The following HTR3D variants were observed in gnomAD, a reference collection of about 807,000 sequenced individuals.
HTR3D encodes 5-hydroxytryptamine receptor 3D.
In HTR3D, 47 loss-of-function variants were observed where a neutral mutation model predicts 45.8. That is an observed-to-expected ratio of 1.03 (90% CI 0.81 to 1.31). The LOEUF (loss-of-function observed/expected upper bound fraction) is 1.31. Ranked by LOEUF, HTR3D falls within the 50% of genes most tolerant of loss-of-function variation. The pLI, the probability that HTR3D is intolerant of heterozygous loss-of-function variation, is 0.00. For synonymous variants in HTR3D, 203 were observed against 199.8 expected (o/e 1.02, Z -0.13); for missense variants, 448 against 506.9 (o/e 0.88, Z 1.12).
chr3:184,036,006 T>C lies in HTR3D; in HGVS notation c.112-9T>C, dbSNP rs1196040007. ...CCATGCCCGGCCTTGGCACAATCAA[T>C]TTGTGCAGTGGAACCCAGATGAATG... On this transcript the variant is annotated splice_polypyrimidine_tract_variant and intron_variant, in intron 2 of 7. Transcript: ENST00000428798. 2.6e-6 allele frequency: 4 copies of C among 1,551,036 alleles called. No homozygotes were observed. Among genetic ancestry groups the C allele is most frequent in the Non-Finnish European group, 3.5e-6 (4 of 1,146,878 alleles).
chr3:184,034,570 T>C lies in HTR3D; in HGVS notation c.67-608T>C, dbSNP rs111924327. Among the ~76,000 whole-genome samples, 263 of 152,174 alleles carry C rather than the reference T, an allele frequency of 1.7e-3. 2 individuals are homozygous for C. Among genetic ancestry groups the C allele is most frequent in the African/African-American group, 5.6e-3 (233 of 41,496 alleles). ...TGTACACTTAAAATGGTTAAGAGAGTACATTTTATGTTATATATTTTTATC... is the reference window on the plus strand; with the variant it reads ...TGTACACTTAAAATGGTTAAGAGAGCACATTTTATGTTATATATTTTTATC... On this transcript the variant is annotated intron_variant, in intron 1 of 7. Transcript: ENST00000428798.
intron 5 of HTR3D, 127 bp downstream of exon 5, chr3:184,037,023 C>T (rs1036023528): frequency 2.0e-5 from 16 of 808,364 alleles, no homozygotes; most frequent in African/African-American, 5.5e-5. Flanking sequence ...CCACGAAGCC[C>T]GGCCTTTGTC....
chr3:184,034,571 A>G (rs995339368), intron 1 of HTR3D, among the ~76,000 whole-genome samples: 2 of 152,150 alleles, frequency 1.3e-5, no homozygotes, highest in Admixed American at 1.3e-4. Context: ...TTAAGAGAGT[A>G]CATTTTATGT....
chr3:184,032,045 A>G (rs1221566616), intron 1 of HTR3D, among the ~76,000 whole-genome samples: 2 of 142,292 alleles, frequency 1.4e-5, no homozygotes, highest in Non-Finnish European at 3.0e-5. Flanking sequence ...CCCAGGCTAG[A>G]GTGCAGTGGC....
At chr3:184,034,132 C>T (rs207464148) in intron 1 of HTR3D, among the ~76,000 whole-genome samples, 18 of 152,046 alleles carry the variant, frequency 1.2e-4, no homozygotes, top group South Asian at 6.2e-4. Context: ...AAAGTGAAAA[C>T]GGGGTATTTG....
intron 5 of HTR3D, among the ~76,000 whole-genome samples, 154 bp downstream of exon 5, chr3:184,037,050 T>TA (rs397946411): frequency 2.7e-5 from 4 of 150,028 alleles, no homozygotes; most frequent in African/African-American, 7.4e-5. Flanking sequence ...TTTTTTTTTT[T>TA]AAATTTGAGA....
At position 184,031,788 on chromosome 3, in the gene HTR3D, T is replaced by A. The variant is rs978700601; in HGVS notation, c.47T>A (p.Ile16Asn). The A allele has an allele frequency of 9.0e-6, 14 of 1,551,190 alleles. No homozygotes were observed. The highest frequency in any genetic ancestry group is 1.2e-5 in the Non-Finnish European group (14 of 1,146,776). ...GGGAAAGGATTCCTCCTTGGCTTCATCCTCCACCTGCTGCTGCAAGTACCT... is the reference window on the plus strand; with the variant it reads ...GGGAAAGGATTCCTCCTTGGCTTCAACCTCCACCTGCTGCTGCAAGTACCT... ...FHGKGFLLGFILHLLLQDSHL... is the reference protein window; with the variant it reads ...FHGKGFLLGFNLHLLLQDSHL... Residue 16 changes from isoleucine to asparagine, a missense_variant, in exon 1 of 8, where the codon ATC becomes AAC. Coordinates refer to ENST00000428798, the MANE Select transcript of HTR3D (RefSeq NM_001145143.1).
chr3:184,034,943 A>T, intron 1 of HTR3D: 4 of 913,286 alleles, frequency 4.4e-6, no homozygotes, highest in Middle Eastern at 3.6e-4. Flanking sequence ...TGCAGGTAAA[A>T]TCTGTTCTTT....
At chr3:184,036,157 T>G in intron 3 of HTR3D, 57 bp downstream of exon 3, 1 of 1,520,378 alleles carries the variant, frequency 6.6e-7, no homozygotes, top group South Asian at 1.3e-5. Context: ...AAGGACACAA[T>G]GTTACCGATA....
In HTR3D at chr3:184,038,252, C is replaced by G. The variant is rs1157526591; in HGVS notation, c.748C>G (p.Pro250Ala). The G allele has an allele frequency of 6.2e-7, 1 of 1,614,154 alleles. No individual in the cohort carries two copies. Among genetic ancestry groups the G allele is most frequent in the South Asian group, 1.1e-5 (1 of 91,082 alleles). ...ACATGCTTCACTAGTACGTCCTCATCCATCAAGAGACCAAAAGCGAGGTGT... is the reference window on the plus strand; with the variant it reads ...ACATGCTTCACTAGTACGTCCTCATGCATCAAGAGACCAAAAGCGAGGTGT... The part of the protein sequence containing the change: ...SSHASLVRPH[P>A]SRDQKRGVYF... Residue 250 changes from proline (P) to alanine (A), a missense_variant, in exon 6 of 8, where the codon CCA becomes GCA. Physicochemically the swap from Pro to Ala is conservative, Grantham distance 27. Transcript: ENST00000428798. The surrounding 1 kb of genome is among the most constrained non-coding windows in gnomAD (Gnocchi z 4.5).
Position 184,036,490 on chromosome 3 carries a change from C to T in HTR3D, c.313C>T (p.Pro105Ser), listed in dbSNP as rs73183412. Residue 105 changes from proline to serine, a missense_variant, in exon 4 of 8, where the codon CCT becomes TCT. Transcript: ENST00000428798. ...TGCAAACTGGACACCTTCTATTTCC[C>T]CTTCCATGGACAGAGGTGAACGCTC... ...ASANWTPSIS[P>S]SMDRGERSPS... The T allele has an allele frequency of 4.3e-6, 7 of 1,614,150 alleles. No homozygotes were observed. Among genetic ancestry groups the T allele is most frequent in the Non-Finnish European group, 5.9e-6 (7 of 1,180,024 alleles).
At chr3:184,035,880 A>T (rs1433709051) in intron 2 of HTR3D, 135 bp from the exon 3 acceptor site, 6 of 783,902 alleles carry the variant, frequency 7.7e-6, no homozygotes, top group Non-Finnish European at 1.2e-5. Context: ...TTTAGTAGAG[A>T]TGGGGTTTCA....
upstream of HTR3D, chr3:184,031,685 G>GT (rs1722753434): frequency 3.2e-5 from 41 of 1,291,740 alleles, no homozygotes; most frequent in Non-Finnish European, 4.4e-5. Context: ...GTGATCTGAG[G>GT]TTTTTTAAAG....
At chr3:184,037,378 A>T (rs1722938897) in intron 5 of HTR3D, among the ~76,000 whole-genome samples, 1 of 152,194 alleles carries the variant, frequency 6.6e-6, no homozygotes, top group Non-Finnish European at 1.5e-5. Flanking sequence ...CAGTACTAAA[A>T]CAATACCTGG....
chr3:184,038,254 A>G lies in HTR3D; in HGVS notation c.750A>G (p.Pro250=). ...SSHASLVRPH[P]SRDQKRGVYF... is the part of the protein sequence containing the mutation. ...ATGCTTCACTAGTACGTCCTCATCC[A>G]TCAAGAGACCAAAAGCGAGGTGTGT... The change falls in exon 6 of 8, where the codon CCA becomes CCG. Residue 250 remains proline, a synonymous_variant. Transcript: ENST00000428798. The surrounding 1 kb of genome is among the most constrained non-coding windows in gnomAD (Gnocchi z 4.5). 1 of 1,614,184 alleles carries G rather than the reference A, an allele frequency of 6.2e-7. No homozygotes were observed. The highest frequency in any genetic ancestry group is 2.2e-5 in the East Asian group (1 of 44,882).
At chr3:184,035,351 C>A in intron 2 of HTR3D, 129 bp downstream of exon 2, 2 of 831,532 alleles carry the variant, frequency 2.4e-6, no homozygotes, top group Non-Finnish European at 3.8e-6. Context: ...TCAAATAGAC[C>A]AATAATGAAA....
chr3:184,038,750 G>C lies in HTR3D; in HGVS notation c.990G>C (p.Val330=). The C allele has an allele frequency of 6.3e-7, 1 of 1,593,810 alleles. No homozygotes were observed. Among genetic ancestry groups the C allele is most frequent in the Non-Finnish European group, 8.6e-7 (1 of 1,168,920 alleles). ...PGLTPTHLPG[V]KEPEVSAGQM... is the part of the protein sequence containing the mutation. The stretch of plus-strand genomic sequence containing the variant: ...TGAGTCTCTGTCTTTCTGTAGGTGT[G>C]AAGGAGCCAGAGGTATCAGCAGGGC... Residue 330 remains valine (V), a synonymous_variant, in exon 8 of 8, where the codon GTG becomes GTC. Transcript: ENST00000428798. The surrounding 1 kb of genome is among the most constrained non-coding windows in gnomAD (Gnocchi z 4.5).
Position 184,038,725 on chromosome 3 carries a change from T to A in HTR3D, c.986-21T>A. Reference sequence around the variant, plus strand: ...ACAGGTGACATTTGCAGCCCATGGCTGAGTCTCTGTCTTTCTGTAGGTGTG... The same window carrying A: ...ACAGGTGACATTTGCAGCCCATGGCAGAGTCTCTGTCTTTCTGTAGGTGTG... On this transcript the variant is annotated intron_variant, in intron 7 of 7. Coordinates refer to ENST00000428798, the MANE Select transcript of HTR3D (RefSeq NM_001145143.1). This position sits in a 1 kb window ranked among gnomAD's most constrained non-coding sequence, Gnocchi z 4.5. 1 of 1,568,972 alleles carries A rather than the reference T, an allele frequency of 6.4e-7. No homozygotes were observed. Among genetic ancestry groups the A allele is most frequent in the Non-Finnish European group, 8.7e-7 (1 of 1,155,822 alleles).
chr3:184,037,307 G>C (rs1387279223), intron 5 of HTR3D, among the ~76,000 whole-genome samples: 1 of 152,070 alleles, frequency 6.6e-6, no homozygotes, highest in Non-Finnish European at 1.5e-5. Context: ...CCAAAGTTCT[G>C]GGATTACAGG....
Sources: allele counts gnomAD v4.1 joint callset (sites outside exome capture counted in the v4.1 genomes callset), GRCh38; gene constraint gnomAD v4.1.1; non-coding constraint Gnocchi (gnomAD v3.1); transcripts MANE v1.5; gene names NCBI Gene and HGNC (gene_info 2026-07-23, HGNC 2026-07-21).